The following TMEM117 variants were observed in gnomAD, a reference collection of about 807,000 sequenced individuals.
TMEM117 encodes the protein transmembrane protein 117.
A neutral mutation model predicts 52.4 loss-of-function variants in TMEM117; 27 were observed. The ratio of observed to expected loss-of-function variants is 0.51; its 90% confidence interval spans 0.38 to 0.71. The LOEUF is 0.71. Among genes scored for constraint, TMEM117 ranks in the 30% least tolerant of loss-of-function variants. The pLI is 0.00. For missense variants in TMEM117, 556 were observed against 630.5 expected (o/e 0.88, Z 1.26); for synonymous variants, 215 against 206.3 (o/e 1.04, Z -0.36).
chr12:44,141,539 A>G (rs888646543), intron 3 of TMEM117, among the ~76,000 whole-genome samples: 1 of 152,134 alleles, frequency 6.6e-6, no homozygotes, highest in African/African-American at 2.4e-5. Flanking sequence ...CTTCTCTTAT[A>G]CAAATGTATG....
At chr12:44,014,478 T>G (rs1233423368) in intron 3 of TMEM117, among the ~76,000 whole-genome samples, 1 of 152,176 alleles carries the variant, frequency 6.6e-6, no homozygotes, top group Non-Finnish European at 1.5e-5. Context: ...GTCCTGAGAA[T>G]TTCTAACATG....
At chr12:43,893,698 T>C (rs966785217) in intron 2 of TMEM117, among the ~76,000 whole-genome samples, 2 of 152,244 alleles carry the variant, frequency 1.3e-5, no homozygotes, top group African/African-American at 4.8e-5. Flanking sequence ...TTCTCTACTT[T>C]GAAATTAATT....
chr12:44,235,834 A>G (rs920738953), intron 5 of TMEM117, among the ~76,000 whole-genome samples: 1 of 151,852 alleles, frequency 6.6e-6, no homozygotes, highest in Non-Finnish European at 1.5e-5. Context: ...GGTAGTCTGT[A>G]TTTGGGAATT....
chr12:44,368,096 G>C (rs1473183053), intron 6 of TMEM117, among the ~76,000 whole-genome samples: 1 of 151,932 alleles, frequency 6.6e-6, no homozygotes, highest in Non-Finnish European at 1.5e-5. Flanking sequence ...CTTTCCTCTA[G>C]CTGATATGAT....
intron 2 of TMEM117, among the ~76,000 whole-genome samples, chr12:43,863,612 C>G (rs1232297728): frequency 2.0e-5 from 3 of 152,160 alleles, no homozygotes; most frequent in African/African-American, 4.8e-5. Context: ...GAGGGAAGCC[C>G]CAAATTTTAT....
rs1028229165 is a variant in TMEM117 at position 44,023,645 on chromosome 12, A to G, written c.410+79303A>G. 5.9e-5 allele frequency among the ~76,000 whole-genome samples: 9 copies of G among 151,720 alleles called. 1 individual carries two copies. The highest frequency in any genetic ancestry group is 1.9e-4 in the African/African-American group (8 of 41,270). On this transcript the variant is annotated intron_variant, in intron 3 of 7. Transcript: ENST00000266534. ...CTTCTTTTGAGAAGTGTCTGTTCAT[A>G]TCCTTTGCCCACTTTTTGATGGGGT...
chr12:43,962,656 C>T (rs796719058), intron 3 of TMEM117, among the ~76,000 whole-genome samples: 34 of 152,284 alleles, frequency 2.2e-4, no homozygotes, highest in African/African-American at 7.7e-4. Flanking sequence ...GCACGTGGCT[C>T]ACACCTGTAA....
chr12:44,368,432 G>C (rs779585091), intron 6 of TMEM117, among the ~76,000 whole-genome samples: 12 of 152,014 alleles, frequency 7.9e-5, no homozygotes, highest in African/African-American at 2.7e-4. Flanking sequence ...CTAATATTTA[G>C]ATCAACCTTG....
intron 5 of TMEM117, among the ~76,000 whole-genome samples, chr12:44,266,737 T>A (rs145157399): frequency 1.1e-3 from 169 of 152,304 alleles, no homozygotes; most frequent in Non-Finnish European, 2.0e-3. Context: ...TTCATGAGTT[T>A]TATAGCTTTA....
At chr12:44,280,560 G>A (rs527502714) in intron 5 of TMEM117, among the ~76,000 whole-genome samples, 2 of 152,002 alleles carry the variant, frequency 1.3e-5, no homozygotes, top group African/African-American at 4.8e-5. Flanking sequence ...AACTTCTATA[G>A]CATCTTTTTT....
chr12:43,847,296 T>A (rs997311876), intron 2 of TMEM117, among the ~76,000 whole-genome samples: 2 of 152,216 alleles, frequency 1.3e-5, no homozygotes, highest in Admixed American at 1.3e-4. Context: ...TTCTCAAATA[T>A]AGGCATGGGT....
the TMEM117 span, among the ~76,000 whole-genome samples, chr12:43,824,522 G>C: frequency 7.0e-4 from 106 of 152,330 alleles, no homozygotes; most frequent in African/African-American, 2.5e-3. Flanking sequence ...AGATAAGGTG[G>C]AGCCTGTTTC....
chr12:43,806,028 G>A, the TMEM117 span: 52 of 1,521,106 alleles, frequency 3.4e-5, no homozygotes, highest in Non-Finnish European at 4.0e-5. Flanking sequence ...AGCAGGGACC[G>A]GGCTGGAGGA....
intron 3 of TMEM117, among the ~76,000 whole-genome samples, chr12:43,946,675 T>A (rs1192313644): frequency 6.6e-6 from 1 of 152,182 alleles, no homozygotes; most frequent in Admixed American, 6.5e-5. Flanking sequence ...TTTTGCCACT[T>A]TGTTGTTTAA....
chr12:43,995,797 A>G (rs554320200), intron 3 of TMEM117, among the ~76,000 whole-genome samples: 1 of 152,346 alleles, frequency 6.6e-6, no homozygotes, highest in South Asian at 2.1e-4. Flanking sequence ...TTACCAAAAC[A>G]ATAACAGTAA....
intron 3 of TMEM117, among the ~76,000 whole-genome samples, chr12:44,082,305 G>T (rs755035127): frequency 6.6e-6 from 1 of 151,888 alleles, no homozygotes; most frequent in East Asian, 1.9e-4. Flanking sequence ...CTCTACGAAT[G>T]TATGAAACTT....
chr12:43,820,390 C>T, the TMEM117 span, among the ~76,000 whole-genome samples: 1 of 152,228 alleles, frequency 6.6e-6, no homozygotes, highest in Admixed American at 6.5e-5. Context: ...TCTCCTGCCT[C>T]AGCCTCCCGA....
Position 44,009,957 on chromosome 12 carries a change from G to C in TMEM117, c.410+65615G>C, listed in dbSNP as rs188408020. 2.8e-5 allele frequency: 8 copies of C among 288,424 alleles called. No homozygotes were observed. In the Admixed American group the frequency reaches 2.9e-4, roughly 10 times the overall value. The allele number at this position is 288,424 out of a possible 1,614,324, so 17.9% of individuals were successfully genotyped here. A position where few individuals can be genotyped will look rare whatever the true frequency, so the allele number is the denominator to read the frequency against. On this transcript the variant is annotated intron_variant, in intron 3 of 7. Coordinates refer to ENST00000266534, the MANE Select transcript of TMEM117 (RefSeq NM_032256.3). ...CTGAAGTAGGCTGATAGCCTCTGGCGTTCCAGTTGCTTCATCGTATCAGAA... is the reference window on the plus strand; with the variant it reads ...CTGAAGTAGGCTGATAGCCTCTGGCCTTCCAGTTGCTTCATCGTATCAGAA...
chr12:43,951,205 CA>C (rs1945215641), intron 3 of TMEM117, among the ~76,000 whole-genome samples: 1 of 152,192 alleles, frequency 6.6e-6, no homozygotes, highest in Admixed American at 6.5e-5. Flanking sequence ...GGGTCTCAAG[CA>C]CAAAACTGGG....
Sources: allele counts gnomAD v4.1 joint callset (sites outside exome capture counted in the v4.1 genomes callset), GRCh38; gene constraint gnomAD v4.1.1; transcripts MANE v1.5; gene names NCBI Gene and HGNC (gene_info 2026-07-23, HGNC 2026-07-21).